The following LAPTM4B variants were observed in gnomAD, a reference collection of about 807,000 sequenced individuals.
LAPTM4B encodes the protein lysosomal protein transmembrane 4 beta.
Under a neutral mutation model 28.5 loss-of-function variants are expected in LAPTM4B, and 26 were observed. That is an observed-to-expected ratio of 0.91 (90% confidence interval 0.67 to 1.27). The LOEUF (loss-of-function observed/expected upper bound fraction) is 1.27. Among genes scored for constraint, LAPTM4B ranks in the 50% most tolerant of loss-of-function variants. The probability of loss-of-function intolerance (pLI) is 0.00; values close to 1 mark genes in which losing one functional copy is unlikely to be tolerated. For missense variants in LAPTM4B, 288 were observed against 285.8 expected (o/e 1.01, Z -0.06); for synonymous variants, 109 against 106.4 (o/e 1.02, Z -0.15).
chr8:97,839,732 G>A (rs887785079), intron 6 of LAPTM4B, among the ~76,000 whole-genome samples: 6 of 152,106 alleles, frequency 3.9e-5, no homozygotes, highest in South Asian at 2.1e-4. Context: ...CCTAGTTTTC[G>A]TTGTGAACCA....
At chr8:97,800,396 T>G (rs1816651626) in intron 1 of LAPTM4B, among the ~76,000 whole-genome samples, 1 of 151,830 alleles carries the variant, frequency 6.6e-6, no homozygotes, top group Non-Finnish European at 1.5e-5. Flanking sequence ...TGTATGCCAG[T>G]CACCGGTCTA....
intron 1 of LAPTM4B, among the ~76,000 whole-genome samples, chr8:97,804,645 GT>G (rs1816733878): frequency 6.6e-6 from 1 of 152,208 alleles, no homozygotes; most frequent in South Asian, 2.1e-4. Context: ...GTGCCTGAAT[GT>G]TTTTCATTAA....
intron 1 of LAPTM4B, among the ~76,000 whole-genome samples, chr8:97,803,561 A>G (rs767403617): frequency 6.6e-6 from 1 of 152,208 alleles, no homozygotes. Flanking sequence ...GGTGTGAGCC[A>G]CCGTGCCGGG....
At position 97,823,367 on chromosome 8, in the gene LAPTM4B, G is replaced by GTT. The variant is rs1464832589; in HGVS notation, c.508-1690_508-1689dup. On this transcript the variant is annotated intron_variant, in intron 5 of 6. Transcript: ENST00000521545. Reference sequence around the variant, plus strand: ...TGGTTTTTTTTTTTGTTTTTTTTTTGTTGTTGTTGTTGTTGTTGTTTTTTT... The same window carrying GTT: ...TGGTTTTTTTTTTTGTTTTTTTTTTGTTTTGTTGTTGTTGTTGTTGTTTTTTT... 1.3e-3 allele frequency among the ~76,000 whole-genome samples: 153 copies of GTT among 119,942 alleles called. 1 individual carries two copies. The highest frequency in any genetic ancestry group is 2.1e-3 in the Non-Finnish European group (119 of 56,942). The allele number at this position is 119,942 out of a possible 152,430, so 78.7% of individuals were successfully genotyped here.
chr8:97,843,986 G>C (rs557778725), intron 6 of LAPTM4B, among the ~76,000 whole-genome samples: 2 of 151,554 alleles, frequency 1.3e-5, no homozygotes, highest in South Asian at 4.2e-4. Context: ...TTGTCTATCT[G>C]TGTATATGTA....
At chr8:97,801,668 G>A (rs980365060) in intron 1 of LAPTM4B, among the ~76,000 whole-genome samples, 4 of 151,920 alleles carry the variant, frequency 2.6e-5, no homozygotes, top group African/African-American at 9.7e-5. Flanking sequence ...ATGGTGAAAC[G>A]CTGTCTCTAA....
At chr8:97,812,220 GT>G (rs1816843617) in intron 2 of LAPTM4B, among the ~76,000 whole-genome samples, 3 of 52,210 alleles carry the variant, frequency 5.7e-5, no homozygotes, top group Admixed American at 2.1e-4. Context: ...TTTTTTTGTT[GT>G]TTTTTGTTTT....
chr8:97,795,176 T>G (rs2129748711), intron 1 of LAPTM4B, among the ~76,000 whole-genome samples: 1 of 152,342 alleles, frequency 6.6e-6, no homozygotes. Context: ...CATAGCTCAC[T>G]GGAGCCGCAA....
intron 2 of LAPTM4B, among the ~76,000 whole-genome samples, chr8:97,812,206 GTTTT>G (rs144651693): frequency 1.3e-5 from 1 of 78,360 alleles, no homozygotes; most frequent in Non-Finnish European, 2.9e-5. Context: ...TTAATTATTT[GTTTT>G]TTTTTTGTTG....
chr8:97,839,385 G>A (rs913630621), intron 6 of LAPTM4B, among the ~76,000 whole-genome samples: 1 of 152,072 alleles, frequency 6.6e-6, no homozygotes, highest in Non-Finnish European at 1.5e-5. Flanking sequence ...TAGAGACGGG[G>A]TTTCACCATG....
At chr8:97,788,255 C>G (rs1253912817) in intron 1 of LAPTM4B, 2 of 361,654 alleles carry the variant, frequency 5.5e-6, no homozygotes, top group East Asian at 7.7e-5. Context: ...TGGAGTTGTA[C>G]CTGATTTCAT....
At chr8:97,787,199 A>G (rs1035356030) in intron 1 of LAPTM4B, among the ~76,000 whole-genome samples, 1 of 152,076 alleles carries the variant, frequency 6.6e-6, no homozygotes, top group Non-Finnish European at 1.5e-5. Context: ...GTGAAATGGA[A>G]AATGCACACA....
chr8:97,803,281 T>C (rs938091865), intron 1 of LAPTM4B, among the ~76,000 whole-genome samples: 1 of 152,052 alleles, frequency 6.6e-6, no homozygotes, highest in African/African-American at 2.4e-5. Context: ...AAATGAACTT[T>C]TTTTTTTCTT....
intron 6 of LAPTM4B, among the ~76,000 whole-genome samples, chr8:97,837,393 A>G (rs1817278692): frequency 6.6e-6 from 1 of 152,028 alleles, no homozygotes; most frequent in Admixed American, 6.5e-5. Context: ...GGGTTTCACC[A>G]CGTTGGCCAG....
At chr8:97,851,098 C>T (rs549065924) in intron 6 of LAPTM4B, among the ~76,000 whole-genome samples, 1 of 152,262 alleles carries the variant, frequency 6.6e-6, no homozygotes, top group African/African-American at 2.4e-5. Context: ...TGGACACACT[C>T]ACCTAGGGGT....
At chr8:97,826,745 G>T (rs1232458737) in intron 6 of LAPTM4B, among the ~76,000 whole-genome samples, 3 of 152,134 alleles carry the variant, frequency 2.0e-5, no homozygotes, top group Non-Finnish European at 4.4e-5. Context: ...CTGACTTCAG[G>T]TGATCCACCT....
intron 4 of LAPTM4B, among the ~76,000 whole-genome samples, chr8:97,818,768 C>G (rs141078741): frequency 1.3e-5 from 2 of 151,752 alleles, no homozygotes; most frequent in Non-Finnish European, 2.9e-5. Context: ...GTGGCATGAT[C>G]TCGCTCACTG....
At chr8:97,801,793 G>A (rs1424231465) in intron 1 of LAPTM4B, among the ~76,000 whole-genome samples, 4 of 149,616 alleles carry the variant, frequency 2.7e-5, no homozygotes, top group African/African-American at 9.9e-5. Context: ...GCGGTGAGCC[G>A]AGCTTGCGCC....
At chr8:97,832,401 G>A (rs1053242270) in intron 6 of LAPTM4B, among the ~76,000 whole-genome samples, 23 of 152,112 alleles carry the variant, frequency 1.5e-4, no homozygotes, top group Non-Finnish European at 2.8e-4. Context: ...CATACATGCC[G>A]GGAAATTGCT....
Sources: gnomAD v4.1 joint callset for allele counts (sites outside exome capture counted in the v4.1 genomes callset) on GRCh38, gnomAD v4.1.1 for gene constraint, MANE v1.5 for transcripts, NCBI Gene and HGNC (gene_info 2026-07-23, HGNC 2026-07-21) for gene names.